Variants in ADAMTS12 observed in about 807,000 individuals in gnomAD.
The protein encoded by ADAMTS12 is A disintegrin and metalloproteinase with thrombospondin motifs 12.
ADAMTS12 carries 118 observed loss-of-function variants against 167.8 expected under a neutral mutation model. That is an observed-to-expected ratio of 0.70 (90% CI 0.61 to 0.82). The LOEUF (loss-of-function observed/expected upper bound fraction) is 0.82, where lower values mean the gene tolerates loss of function less well. ADAMTS12 is among the 40% of genes least tolerant of loss of function. The probability of loss-of-function intolerance (pLI) is 0.00; values close to 1 mark genes in which losing one functional copy is unlikely to be tolerated. For synonymous variants in ADAMTS12, 704 were observed against 716.9 expected (o/e 0.98, Z 0.29); for missense variants, 1,916 against 1,998.8 (o/e 0.96, Z 0.79).
At chr5:33,758,409 G>A (rs182782841) in intron 2 of ADAMTS12, among the ~76,000 whole-genome samples, 2 of 152,236 alleles carry the variant, frequency 1.3e-5, no homozygotes, top group Admixed American at 6.5e-5. Context: ...TCAGCCTCTT[G>A]GCATAATGAA....
chr5:33,564,397 G>C (rs533170978), intron 19 of ADAMTS12, among the ~76,000 whole-genome samples: 1 of 152,326 alleles, frequency 6.6e-6, no homozygotes, highest in African/African-American at 2.4e-5. Context: ...TTGAAAGCTT[G>C]ATTATGTAAG....
chr5:33,761,155 T>TG (rs56271789), intron 2 of ADAMTS12, among the ~76,000 whole-genome samples: 1 of 152,016 alleles, frequency 6.6e-6, no homozygotes, highest in African/African-American at 2.4e-5. Context: ...TTCTTTTTCA[T>TG]ATCCCAGTAG....
At chr5:33,735,378 A>G (rs1184810719) in intron 3 of ADAMTS12, among the ~76,000 whole-genome samples, 1 of 152,210 alleles carries the variant, frequency 6.6e-6, no homozygotes, top group African/African-American at 2.4e-5. Flanking sequence ...GGGATCAGCA[A>G]GTTTTTATCA....
At chr5:33,672,840 C>T (rs1428825279) in intron 5 of ADAMTS12, among the ~76,000 whole-genome samples, 1 of 152,176 alleles carries the variant, frequency 6.6e-6, no homozygotes, top group Admixed American at 6.5e-5. Flanking sequence ...CCCTGAAGGG[C>T]CTCAGGAATT....
chr5:33,571,600 G>A (rs560838670), intron 19 of ADAMTS12, among the ~76,000 whole-genome samples: 27 of 151,976 alleles, frequency 1.8e-4, no homozygotes, highest in Admixed American at 9.2e-4. Context: ...TCAAAGCAGC[G>A]TGTAGAGGGA....
rs199598693 is a variant in ADAMTS12, at chr5:33,878,430, C to T, written c.489+2689G>A. 4.6e-5 allele frequency among the ~76,000 whole-genome samples: 7 copies of T among 152,100 alleles called. No individual in the cohort carries two copies. The East Asian group carries it at 9.6e-4, about 21-fold the overall frequency. On this transcript the variant is annotated intron_variant, in intron 2 of 23. Transcript: ENST00000504830. ...TTAACTAACACTTTGTGCTTCTGAA[C>T]GTCGTATGAATCTGAAATCTGAATC...
chr5:33,686,934 TATAGAG>T (rs1330114510), intron 3 of ADAMTS12, among the ~76,000 whole-genome samples: 1 of 138,440 alleles, frequency 7.2e-6, no homozygotes, highest in African/African-American at 2.9e-5. Flanking sequence ...TATATATATA[TATAGAG>T]AGAGAGAGAG....
chr5:33,787,683 C>T (rs187698169), intron 2 of ADAMTS12, among the ~76,000 whole-genome samples: 5 of 152,268 alleles, frequency 3.3e-5, no homozygotes, highest in Admixed American at 1.3e-4. Context: ...TTTAAAAAGG[C>T]CTACCCTGAT....
chr5:33,823,433 A>T (rs1489630838), intron 2 of ADAMTS12, among the ~76,000 whole-genome samples: 2 of 152,206 alleles, frequency 1.3e-5, no homozygotes, highest in East Asian at 3.8e-4. Context: ...TTATGTAGTT[A>T]TTCACAAGAG....
chr5:33,865,033 T>G (rs1749764026), intron 2 of ADAMTS12, among the ~76,000 whole-genome samples: 1 of 152,048 alleles, frequency 6.6e-6, no homozygotes, highest in South Asian at 2.1e-4. Flanking sequence ...AGCTTAATTC[T>G]ATAAGACATT....
intron 2 of ADAMTS12, among the ~76,000 whole-genome samples, chr5:33,867,468 T>C (rs561414920): frequency 2.2e-4 from 33 of 151,336 alleles, no homozygotes; most frequent in African/African-American, 6.8e-4. Flanking sequence ...AAGTGGGAGG[T>C]TGGAAGGGAG....
At chr5:33,640,774 T>C (rs1219423704) in intron 11 of ADAMTS12, among the ~76,000 whole-genome samples, 2 of 151,234 alleles carry the variant, frequency 1.3e-5, no homozygotes, top group Admixed American at 6.6e-5. Flanking sequence ...TTAAATTCCT[T>C]ACACATACTA....
chr5:33,694,693 A>C (rs574812477), intron 3 of ADAMTS12, among the ~76,000 whole-genome samples: 2 of 152,204 alleles, frequency 1.3e-5, no homozygotes, highest in African/African-American at 4.8e-5. Context: ...TGCCAGCTAC[A>C]TGCAGTGATG....
chr5:33,666,785 CCGGCCACCATACA>C (rs1263597008), intron 5 of ADAMTS12, among the ~76,000 whole-genome samples: 1 of 152,118 alleles, frequency 6.6e-6, no homozygotes, highest in African/African-American at 2.4e-5. Flanking sequence ...GCCACCATGC[CCGGCCACCATACA>C]GGGTCTTTTT....
chr5:33,692,159 C>T (rs1286204924), intron 3 of ADAMTS12, among the ~76,000 whole-genome samples: 3 of 152,188 alleles, frequency 2.0e-5, no homozygotes, highest in African/African-American at 4.8e-5. Flanking sequence ...AGAATATAGA[C>T]TAAATTTCCC....
intron 16 of ADAMTS12, 91 bp from the exon 17 acceptor site, chr5:33,596,151 G>A: frequency 2.0e-6 from 3 of 1,480,842 alleles, no homozygotes; most frequent in East Asian, 2.3e-5. Context: ...CAACGATCAT[G>A]CTGACGGCTG....
At chr5:33,700,415 G>A (rs552372013) in intron 3 of ADAMTS12, among the ~76,000 whole-genome samples, 4 of 152,272 alleles carry the variant, frequency 2.6e-5, no homozygotes, top group East Asian at 1.9e-4. Context: ...TGAGTGAAAC[G>A]AGCCAATCCC....
chr5:33,571,847 C>T (rs1343002010), intron 19 of ADAMTS12, among the ~76,000 whole-genome samples: 1 of 151,466 alleles, frequency 6.6e-6, no homozygotes, highest in Non-Finnish European at 1.5e-5. Flanking sequence ...TGATAGACCG[C>T]TAGCAAGACT....
chr5:33,801,098 T>C (rs1746987979), intron 2 of ADAMTS12, among the ~76,000 whole-genome samples: 1 of 152,164 alleles, frequency 6.6e-6, no homozygotes, highest in Admixed American at 6.5e-5. Flanking sequence ...CACTAGAAGC[T>C]GGAAGAGGCA....
Sources: allele counts gnomAD v4.1 joint callset (sites outside exome capture counted in the v4.1 genomes callset), GRCh38; gene constraint gnomAD v4.1.1; transcripts MANE v1.5; gene names NCBI Gene and HGNC (gene_info 2026-07-23, HGNC 2026-07-21).